Variants in SLC12A7 observed in about 807,000 individuals in gnomAD.
SLC12A7 encodes the protein K-Cl cotransporter 4.
A neutral mutation model predicts 120.6 loss-of-function variants in SLC12A7; 100 were observed. That is an observed-to-expected ratio of 0.83 (90% CI 0.71 to 0.98). The LOEUF (loss-of-function observed/expected upper bound fraction) is 0.98, where lower values mean the gene tolerates loss of function less well. Ranked by LOEUF, SLC12A7 falls within the 50% of genes least tolerant of loss-of-function variation. SLC12A7 has a pLI of 0.00. For synonymous variants in SLC12A7, 760 were observed against 678.0 expected (o/e 1.12, Z -1.88); for missense variants, 1,373 against 1,548.1 (o/e 0.89, Z 1.90).
chr5:1,095,021 G>GCGGTAGGAGGTGGGGGGC (rs1740964733), intron 1 of SLC12A7, among the ~76,000 whole-genome samples: 1 of 123,822 alleles, frequency 8.1e-6, no homozygotes, highest in African/African-American at 3.0e-5. Flanking sequence ...GGAGGTGGGG[G>GCGGTAGGAGGTGGGGGGC]CGGTAGGAGG....
intron 8 of SLC12A7, among the ~76,000 whole-genome samples, chr5:1,083,141 AAGTCCAGGCTTCCCGTCTCG>A (rs1739400900): frequency 3.6e-5 from 2 of 55,778 alleles, no homozygotes; most frequent in Non-Finnish European, 9.6e-5. Context: ...GGGTTCTGGG[AAGTCCAGGCTTCCCGTCTCG>A]GGTTCTGGAA....
chr5:1,068,371 T>G (rs1737279953), intron 17 of SLC12A7, among the ~76,000 whole-genome samples: 1 of 152,020 alleles, frequency 6.6e-6, no homozygotes, highest in African/African-American at 2.4e-5. Context: ...GAGGTGGAGG[T>G]TGCAGTGAGC....
In SLC12A7 at chr5:1,077,889, C is replaced by T. The variant is rs781550101; in HGVS notation, c.1573G>A (p.Gly525Arg). Residue 525 changes from glycine to arginine, a missense_variant, in exon 12 of 24, where the codon GGG (glycine) becomes AGG (arginine). Transcript: ENST00000264930. Reference sequence around the variant, plus strand: ...ATGGCCTGCAGTAGGCGCGGTGCCCCCGTGAGGCTCTGCAGGCCGGCACCG... The same window carrying T: ...ATGGCCTGCAGTAGGCGCGGTGCCCTCGTGAGGCTCTGCAGGCCGGCACCG... ...TCGAGLQSLT[G>R]APRLLQAIAR... 6.3e-7 allele frequency: 1 copy of T among 1,598,696 alleles called. No homozygotes were observed. Among genetic ancestry groups the T allele is most frequent in the East Asian group, 2.3e-5 (1 of 43,954 alleles).
At chr5:1,133,997 C>A in the SLC12A7 span, among the ~76,000 whole-genome samples, 4 of 152,248 alleles carry the variant, frequency 2.6e-5, no homozygotes, top group Middle Eastern at 3.4e-3. Context: ...TGCCCACAAG[C>A]CTGCTCAGCC....
chr5:1,080,976 A>C (rs558278916), intron 9 of SLC12A7, among the ~76,000 whole-genome samples: 1 of 139,254 alleles, frequency 7.2e-6, no homozygotes, highest in Admixed American at 7.1e-5. Flanking sequence ...GGCAGGAAGG[A>C]ACACACTACA....
At chr5:1,140,751 G>C in the SLC12A7 span, among the ~76,000 whole-genome samples, 6 of 152,270 alleles carry the variant, frequency 3.9e-5, no homozygotes, top group Non-Finnish European at 8.8e-5. Context: ...GCTGGCGGAG[G>C]GGGTGCAGGG....
chr5:1,142,997 G>A, the SLC12A7 span, among the ~76,000 whole-genome samples: 23 of 152,070 alleles, frequency 1.5e-4, no homozygotes, highest in Non-Finnish European at 2.5e-4. Context: ...GGTAACGGGG[G>A]CTGAGAGGCG....
intron 17 of SLC12A7, among the ~76,000 whole-genome samples, 196 bp downstream of exon 17, chr5:1,073,437 C>G (rs536249817): frequency 3.7e-4 from 57 of 152,352 alleles, no homozygotes; most frequent in Non-Finnish European, 7.1e-4. Context: ...TCACACCTCC[C>G]AAGCTTCCCG....
At chr5:1,082,455 G>A (rs1158784324) in intron 8 of SLC12A7, among the ~76,000 whole-genome samples, 1 of 142,044 alleles carries the variant, frequency 7.0e-6, no homozygotes, top group Non-Finnish European at 1.5e-5. Flanking sequence ...GAAAGCCTGG[G>A]CTTCCTCTCT....
At chr5:1,056,722 G>GC in intron 22 of SLC12A7, 3 of 279,384 alleles carry the variant, frequency 1.1e-5, no homozygotes, top group Non-Finnish European at 1.6e-5. Context: ...GGAGCCCCCA[G>GC]CCCTTCCTGA....
At chr5:1,123,695 G>A in the SLC12A7 span, among the ~76,000 whole-genome samples, 8 of 152,366 alleles carry the variant, frequency 5.3e-5, no homozygotes, top group Admixed American at 2.6e-4. Flanking sequence ...CACACGTCAC[G>A]TGTGTTGGCC....
At chr5:1,082,671 T>A (rs1195955402) in intron 8 of SLC12A7, among the ~76,000 whole-genome samples, 1 of 142,520 alleles carries the variant, frequency 7.0e-6, no homozygotes, top group African/African-American at 2.6e-5. Context: ...AGCCTGGGCT[T>A]CCTCTCTAGG....
chr5:1,089,699 C>T (rs1027388994), intron 3 of SLC12A7, among the ~76,000 whole-genome samples: 13 of 152,240 alleles, frequency 8.5e-5, no homozygotes, highest in African/African-American at 2.4e-4. Context: ...GGGGCCACCC[C>T]GCCTGCCCCA....
the SLC12A7 span, among the ~76,000 whole-genome samples, chr5:1,140,260 A>G: frequency 6.6e-6 from 1 of 152,152 alleles, no homozygotes; most frequent in Non-Finnish European, 1.5e-5. Context: ...CCCTCCTGAG[A>G]AAGGTGGCCC....
the SLC12A7 span, among the ~76,000 whole-genome samples, chr5:1,144,805 C>T: frequency 3.3e-5 from 5 of 152,338 alleles, no homozygotes; most frequent in African/African-American, 1.2e-4. Flanking sequence ...CTGAAATGCC[C>T]GTCTGAATAA....
intron 20 of SLC12A7, among the ~76,000 whole-genome samples, chr5:1,061,723 G>C (rs1365297763): frequency 2.0e-5 from 3 of 152,220 alleles, no homozygotes; most frequent in Admixed American, 6.5e-5. Flanking sequence ...GCCGAGGCGG[G>C]TGGATCACCT....
chr5:1,095,026 A>G (rs1740967652), intron 1 of SLC12A7, among the ~76,000 whole-genome samples: 1 of 64,960 alleles, frequency 1.5e-5, no homozygotes, highest in African/African-American at 6.1e-5. Context: ...TGGGGGCGGT[A>G]GGAGGCGGGG....
chr5:1,132,668 T>C, the SLC12A7 span, among the ~76,000 whole-genome samples: 400 of 152,306 alleles, frequency 2.6e-3, no homozygotes, highest in Non-Finnish European at 3.1e-3. Context: ...CTCAGCTTCC[T>C]GAGATCATCC....
rs143746308 is a variant in SLC12A7 at position 1,064,149 on chromosome 5, G to A, written c.2541C>T (p.Asp847=). ...CGCCGTCGTGCACGATCCACCACAC[G>A]TCGATGTGGCCCCCGCCGAAGCGCT... ...NQERFGGGHI[D]VWWIVHDGGM... The change falls in exon 19 of 24, where the codon GAC becomes GAT. Residue 847 remains aspartate, a synonymous_variant. Transcript: ENST00000264930. 3,165 of 1,612,136 alleles carry A rather than the reference G, an allele frequency of 2.0e-3. 46 individuals are homozygous for A. The African/African-American group carries it at 0.037, about 19-fold the overall frequency.
Sources: allele counts gnomAD v4.1 joint callset (sites outside exome capture counted in the v4.1 genomes callset), GRCh38; gene constraint gnomAD v4.1.1; transcripts MANE v1.5; gene names NCBI Gene and HGNC (gene_info 2026-07-23, HGNC 2026-07-21).